The following NALCN variants were observed in gnomAD, a reference collection of about 807,000 sequenced individuals.
NALCN encodes sodium leak channel, non-selective.
NALCN carries 111 observed loss-of-function variants against 225.3 expected under a neutral mutation model. The observed-to-expected ratio is 0.49, with a 90% confidence interval of 0.42 to 0.58. NALCN has a LOEUF of 0.58. NALCN is among the 20% of genes least tolerant of loss of function. The pLI is 0.00. For missense variants in NALCN, 1,378 were observed against 2,202.4 expected (o/e 0.63, Z 7.49); for synonymous variants, 764 against 769.0 (o/e 0.99, Z 0.11).
chr13:101,263,723 T>C (rs982519834), intron 10 of NALCN, among the ~76,000 whole-genome samples: 2 of 152,228 alleles, frequency 1.3e-5, no homozygotes, highest in Admixed American at 6.5e-5. Flanking sequence ...CAATGGATTT[T>C]GATACACTAT....
At chr13:101,063,859 A>C (rs955395502) in intron 40 of NALCN, among the ~76,000 whole-genome samples, 7 of 152,172 alleles carry the variant, frequency 4.6e-5, no homozygotes, top group Admixed American at 2.6e-4. Context: ...ACTGCTAGTC[A>C]GTCGCTCTTA....
At chr13:101,347,203 T>C (rs1054589823) in intron 6 of NALCN, among the ~76,000 whole-genome samples, 15 of 151,698 alleles carry the variant, frequency 9.9e-5, no homozygotes, top group African/African-American at 3.4e-4. Context: ...TTCTCAGCCA[T>C]AAACAAAGCT....
At chr13:101,210,329 A>G (rs1197845790) in intron 13 of NALCN, among the ~76,000 whole-genome samples, 3 of 152,168 alleles carry the variant, frequency 2.0e-5, no homozygotes, top group Non-Finnish European at 4.4e-5. Context: ...CTGCAGAAGT[A>G]GGCATTTTAG....
chr13:101,292,440 T>G lies in NALCN; in HGVS notation c.800-74A>C, dbSNP rs1466408846. The G allele has an allele frequency of 4.1e-6, 6 of 1,448,284 alleles. No homozygotes were observed. The highest frequency in any genetic ancestry group is 4.7e-6 in the Non-Finnish European group (5 of 1,070,464). 89.7% of individuals were successfully genotyped at this position (1,448,284 alleles called of 1,614,324 possible). A position where few individuals can be genotyped will look rare whatever the true frequency, so the allele number is the denominator to read the frequency against. ...AAGAAAGCATTTTCCAGAAAAACAATCAATATTTATCCATACTTATTTTCT... is the reference window on the plus strand; with the variant it reads ...AAGAAAGCATTTTCCAGAAAAACAAGCAATATTTATCCATACTTATTTTCT... On this transcript the variant is annotated intron_variant, in intron 7 of 43. Coordinates refer to ENST00000251127, the MANE Select transcript of NALCN (RefSeq NM_052867.4). This position sits in a 1 kb window ranked among gnomAD's most constrained non-coding sequence, Gnocchi z 4.3.
At chr13:101,343,904 C>T (rs1410065444) in intron 7 of NALCN, among the ~76,000 whole-genome samples, 5 of 152,258 alleles carry the variant, frequency 3.3e-5, no homozygotes, top group Middle Eastern at 6.8e-3. Flanking sequence ...GGTGCTTTAG[C>T]TACATGATTT....
intron 12 of NALCN, among the ~76,000 whole-genome samples, chr13:101,232,627 T>G (rs2140141495): frequency 6.6e-6 from 1 of 152,074 alleles, no homozygotes; most frequent in South Asian, 2.1e-4. Flanking sequence ...TTTGTAATTT[T>G]AGTAGAGACG....
At chr13:101,268,383 C>T (rs2042665532) in intron 10 of NALCN, among the ~76,000 whole-genome samples, 1 of 152,140 alleles carries the variant, frequency 6.6e-6, no homozygotes, top group Non-Finnish European at 1.5e-5. Flanking sequence ...GATTGTTCAC[C>T]ACCCAGCTCC....
chr13:101,135,796 A>G (rs2036756221), intron 17 of NALCN, among the ~76,000 whole-genome samples: 2 of 152,382 alleles, frequency 1.3e-5, no homozygotes, highest in South Asian at 4.1e-4. Flanking sequence ...GAGACAATTT[A>G]TAAGTAAAAC....
At chr13:101,309,601 G>T (rs765506485) in intron 7 of NALCN, among the ~76,000 whole-genome samples, 2 of 152,132 alleles carry the variant, frequency 1.3e-5, no homozygotes, top group South Asian at 4.1e-4. Flanking sequence ...CAAGACTCTA[G>T]TGTAATGCCT....
intron 6 of NALCN, among the ~76,000 whole-genome samples, chr13:101,346,087 C>CTCTCTATATATATATATATA: frequency 4.5e-4 from 32 of 70,940 alleles, no homozygotes; most frequent in African/African-American, 6.2e-4. Context: ...CTCTCTCTCT[C>CTCTCTATATATATATATATA]TATATATATA....
At chr13:101,107,654 G>T in intron 21 of NALCN, 44 bp downstream of exon 21, 2 of 1,613,906 alleles carry the variant, frequency 1.2e-6, no homozygotes, top group South Asian at 2.2e-5. Context: ...GGGAAATTTT[G>T]CCATTCCCGA....
At chr13:101,262,556 C>T (rs1211640313) in intron 10 of NALCN, among the ~76,000 whole-genome samples, 1 of 152,210 alleles carries the variant, frequency 6.6e-6, no homozygotes, top group Non-Finnish European at 1.5e-5. Flanking sequence ...TTTATTAACA[C>T]ATGCCCTTAC....
intron 26 of NALCN, among the ~76,000 whole-genome samples, 157 bp downstream of exon 26, chr13:101,103,015 T>C (rs1271120635): frequency 6.6e-6 from 1 of 152,198 alleles, no homozygotes; most frequent in Non-Finnish European, 1.5e-5. Flanking sequence ...GAGTAAAGTG[T>C]TTGAAGGTGC....
rs1395966357 is a variant in NALCN, at chr13:101,073,735, T to C, written c.4104-58A>G. On this transcript the variant is annotated intron_variant, in intron 36 of 43. Transcript: ENST00000251127. ...AATTATAGAAGGGTTTGTCATGAAA[T>C]AGCATGGTTTGCCAACACCAAAACA... 3.4e-6 allele frequency: 5 copies of C among 1,460,220 alleles called. No homozygotes were observed. In the South Asian group the frequency reaches 3.6e-5, roughly 10 times the overall value. The allele number at this position is 1,460,220 out of a possible 1,614,324, so 90.5% of individuals were successfully genotyped here.
chr13:101,341,595 G>A (rs1326694725), intron 7 of NALCN, among the ~76,000 whole-genome samples: 2 of 151,782 alleles, frequency 1.3e-5, no homozygotes, highest in East Asian at 3.9e-4. Context: ...TATATATCAT[G>A]ATTTTTTTTC....
At chr13:101,244,445 T>G (rs2041835268) in intron 11 of NALCN, among the ~76,000 whole-genome samples, 1 of 152,210 alleles carries the variant, frequency 6.6e-6, no homozygotes, top group African/African-American at 2.4e-5. Flanking sequence ...ACTAAAAGAT[T>G]TAGCAAATTG....
At chr13:101,179,118 T>C (rs2039085074) in intron 14 of NALCN, among the ~76,000 whole-genome samples, 1 of 152,138 alleles carries the variant, frequency 6.6e-6, no homozygotes, top group Non-Finnish European at 1.5e-5. Flanking sequence ...AAATACAATA[T>C]TGCACTCACT....
chr13:101,250,702 T>C (rs1261216626), intron 11 of NALCN, among the ~76,000 whole-genome samples: 1 of 151,758 alleles, frequency 6.6e-6, no homozygotes, highest in African/African-American at 2.4e-5. Flanking sequence ...AAGCACTGAA[T>C]CAAAAATTAA....
intron 15 of NALCN, among the ~76,000 whole-genome samples, chr13:101,172,612 T>G (rs1397244545): frequency 6.6e-6 from 1 of 152,126 alleles, no homozygotes; most frequent in African/African-American, 2.4e-5. Context: ...CAGGCTGGAG[T>G]ACAGTGGCGC....
Sources: allele counts gnomAD v4.1 joint callset (sites outside exome capture counted in the v4.1 genomes callset), GRCh38; gene constraint gnomAD v4.1.1; non-coding constraint Gnocchi (gnomAD v3.1); transcripts MANE v1.5; gene names NCBI Gene and HGNC (gene_info 2026-07-23, HGNC 2026-07-21).